CMIP: variants seen among roughly 807,000 people sequenced by gnomAD.
The protein encoded by CMIP is C-Maf-inducing protein.
In CMIP, 13 loss-of-function variants were observed where a neutral mutation model predicts 97.3. The ratio of observed to expected loss-of-function variants is 0.13; its 90% confidence interval spans 0.09 to 0.21. CMIP has a LOEUF of 0.21. Ranked by LOEUF, CMIP falls within the 10% of genes least tolerant of loss-of-function variation. The pLI, the probability that CMIP is intolerant of heterozygous loss-of-function variation, is 1.00. For missense variants in CMIP, 847 were observed against 1,024.9 expected (o/e 0.83, Z 2.37); for synonymous variants, 538 against 436.3 (o/e 1.23, Z -2.91).
At chr16:81,694,957 C>T (rs934258506) in intron 13 of CMIP, among the ~76,000 whole-genome samples, 1 of 152,232 alleles carries the variant, frequency 6.6e-6, no homozygotes, top group Non-Finnish European at 1.5e-5. Flanking sequence ...TCTTTCCTTG[C>T]CACCTGTGAA....
intron 1 of CMIP, among the ~76,000 whole-genome samples, chr16:81,483,068 C>T (rs2089253779): frequency 6.6e-6 from 1 of 152,218 alleles, no homozygotes; most frequent in Non-Finnish European, 1.5e-5. Context: ...TGTCTGCTGC[C>T]ACTAAGTGCT....
In CMIP at chr16:81,673,695, G is replaced by C. The variant is rs564418313; in HGVS notation, c.1034+1625G>C. On this transcript the variant is annotated intron_variant, in intron 9 of 20. Coordinates refer to ENST00000537098, the MANE Select transcript of CMIP (RefSeq NM_198390.3). ...AGTCACTCACCAGCTCCCATCCCTC[G>C]CTGGCTGAGAACTGCTCCCGGGATG... Among the ~76,000 whole-genome samples the C allele has an allele frequency of 3.8e-3, 580 of 152,254 alleles. 4 individuals carry two copies. Among genetic ancestry groups the C allele is most frequent in the South Asian group, 5.8e-3 (28 of 4,824 alleles).
intron 1 of CMIP, among the ~76,000 whole-genome samples, chr16:81,569,610 G>A (rs886893027): frequency 1.3e-5 from 2 of 152,222 alleles, no homozygotes; most frequent in African/African-American, 2.4e-5. Context: ...GACAGGTGCC[G>A]GGGAAGTCCC....
chr16:81,448,715 G>C (rs186891773), intron 1 of CMIP, among the ~76,000 whole-genome samples: 36 of 152,368 alleles, frequency 2.4e-4, no homozygotes, highest in Non-Finnish European at 4.3e-4. Context: ...GGAGACTTTG[G>C]ATCCGAAATG....
intron 1 of CMIP, among the ~76,000 whole-genome samples, chr16:81,543,013 G>A (rs2090477089): frequency 6.6e-6 from 1 of 152,222 alleles, no homozygotes; most frequent in African/African-American, 2.4e-5. Context: ...CCTAGCGAGA[G>A]GCCGCTTGGG....
chr16:81,690,012 G>A (rs1402770623), intron 10 of CMIP, among the ~76,000 whole-genome samples: 2 of 152,142 alleles, frequency 1.3e-5, no homozygotes, highest in Non-Finnish European at 2.9e-5. Context: ...CCATTGGTCT[G>A]TATCTCTGTT....
chr16:81,516,537 C>T (rs1162098096), intron 1 of CMIP, among the ~76,000 whole-genome samples: 1 of 152,236 alleles, frequency 6.6e-6, no homozygotes, highest in Non-Finnish European at 1.5e-5. Context: ...TCTTGGCCAG[C>T]CAGCTCTGCC....
chr16:81,598,770 C>T (rs1304575475), intron 1 of CMIP, among the ~76,000 whole-genome samples: 1 of 152,010 alleles, frequency 6.6e-6, no homozygotes, highest in African/African-American at 2.4e-5. Context: ...CGTTTGAGAC[C>T]AGCCTGGCCA....
At chr16:81,589,305 C>G (rs1330489515) in intron 1 of CMIP, among the ~76,000 whole-genome samples, 1 of 152,124 alleles carries the variant, frequency 6.6e-6, no homozygotes, top group Non-Finnish European at 1.5e-5. Context: ...CCATGTTACC[C>G]TGGCTGGTCT....
chr16:81,692,153 T>C (rs1483011929), intron 11 of CMIP, among the ~76,000 whole-genome samples: 2 of 152,198 alleles, frequency 1.3e-5, no homozygotes, highest in African/African-American at 2.4e-5. Context: ...GCCGTGCAGT[T>C]ATCGTCTTTT....
intron 1 of CMIP, chr16:81,495,614 GTGTGTCTGCTAATCTGAGA>G: frequency 9.6e-7 from 1 of 1,037,154 alleles, no homozygotes; most frequent in Admixed American, 2.4e-5. Flanking sequence ...GGGTGGGCAG[GTGTGTCTGCTAATCTGAGA>G]GACCCCAGGC....
rs370392884 is a variant in CMIP, at chr16:81,698,501, G to A, written c.1639-1184G>A. Among the ~76,000 whole-genome samples the A allele has an allele frequency of 1.1e-4, 16 of 152,350 alleles. No individual in the cohort carries two copies. The South Asian group carries it at 3.3e-3, about 32-fold the overall frequency. On this transcript the variant is annotated intron_variant, in intron 14 of 20. Transcript: ENST00000537098. ...GTCCCCTACCCCATACATGTGCGAA[G>A]GCTGCCTAGAAGTTTCTACGTGGTT...
At chr16:81,699,086 A>G (rs116437396) in intron 14 of CMIP, among the ~76,000 whole-genome samples, 1,663 of 152,224 alleles carry the variant, frequency 0.011, 26 homozygotes, top group African/African-American at 0.038. Context: ...CCCCATCTCT[A>G]CTAAAAATAG....
At chr16:81,551,586 G>A (rs757607719) in intron 1 of CMIP, among the ~76,000 whole-genome samples, 1 of 152,244 alleles carries the variant, frequency 6.6e-6, no homozygotes, top group Non-Finnish European at 1.5e-5. Flanking sequence ...CACTGGGGCC[G>A]TGTGCAGTAT....
At chr16:81,553,589 G>A (rs1353404970) in intron 1 of CMIP, among the ~76,000 whole-genome samples, 2 of 152,344 alleles carry the variant, frequency 1.3e-5, no homozygotes, top group African/African-American at 4.8e-5. Context: ...CCGGCAGTGG[G>A]GAGGGTGCTC....
chr16:81,543,808 T>A (rs2090492916), intron 1 of CMIP, among the ~76,000 whole-genome samples: 1 of 152,138 alleles, frequency 6.6e-6, no homozygotes, highest in African/African-American at 2.4e-5. Context: ...TAAGTTTGAG[T>A]CATTGTTTAA....
At chr16:81,660,133 G>A (rs1221303739) in intron 5 of CMIP, among the ~76,000 whole-genome samples, 1 of 152,070 alleles carries the variant, frequency 6.6e-6, no homozygotes, top group Non-Finnish European at 1.5e-5. Flanking sequence ...TATGGAAGGC[G>A]CTCACCATGG....
intron 1 of CMIP, chr16:81,520,139 GC>G (rs1376750847): frequency 6.6e-6 from 1 of 152,266 alleles, no homozygotes; most frequent in East Asian, 1.9e-4. Flanking sequence ...CATTTCAGCT[GC>G]CCAGGTAGTC....
chr16:81,644,705 G>C (rs2092343991), intron 3 of CMIP, among the ~76,000 whole-genome samples: 3 of 152,252 alleles, frequency 2.0e-5, no homozygotes, highest in Admixed American at 2.0e-4. Flanking sequence ...AGTGAGTCTT[G>C]AATCAGGGAA....
Sources: gnomAD v4.1 joint callset for allele counts (sites outside exome capture counted in the v4.1 genomes callset) on GRCh38, gnomAD v4.1.1 for gene constraint, MANE v1.5 for transcripts, NCBI Gene and HGNC (gene_info 2026-07-23, HGNC 2026-07-21) for gene names.